Variants in CCDC3 observed in about 807,000 individuals in gnomAD.
CCDC3 encodes the protein coiled-coil domain-containing protein 3.
CCDC3 carries 24 observed loss-of-function variants against 21.4 expected under a neutral mutation model. The observed-to-expected ratio is 1.12, with a 90% CI of 0.81 to 1.58. The LOEUF (loss-of-function observed/expected upper bound fraction) is 1.58. CCDC3 is among the 40% of genes most tolerant of loss of function. CCDC3 has a pLI of 0.00. For synonymous variants in CCDC3, 186 were observed against 166.0 expected (o/e 1.12, Z -0.93); for missense variants, 425 against 360.9 (o/e 1.18, Z -1.44).
chr10:12,958,370 CA>C (rs1163734578), intron 2 of CCDC3, among the ~76,000 whole-genome samples: 12 of 152,158 alleles, frequency 7.9e-5, no homozygotes, highest in Admixed American at 7.9e-4. Flanking sequence ...CTGCAGGTGC[CA>C]AAAACCAGAC....
At chr10:13,051,260 C>T (rs1434271390) in intron 4 of CCDC3, among the ~76,000 whole-genome samples, 1 of 152,150 alleles carries the variant, frequency 6.6e-6, no homozygotes, top group Non-Finnish European at 1.5e-5. Context: ...TTACTTCTCA[C>T]CCAGCAAGGC....
chr10:13,070,571 A>G (rs1338241663), intron 4 of CCDC3, among the ~76,000 whole-genome samples: 1 of 152,162 alleles, frequency 6.6e-6, no homozygotes, highest in Non-Finnish European at 1.5e-5. Flanking sequence ...TCACTTTCCA[A>G]CAGACCCAGG....
At chr10:13,021,693 T>C (rs1252774790) in intron 5 of CCDC3, among the ~76,000 whole-genome samples, 3 of 152,222 alleles carry the variant, frequency 2.0e-5, no homozygotes, top group Non-Finnish European at 2.9e-5. Flanking sequence ...TCCAATAAGA[T>C]GGATATTGTA....
chr10:12,957,646 A>T (rs56381111), intron 2 of CCDC3, among the ~76,000 whole-genome samples: 5 of 151,690 alleles, frequency 3.3e-5, no homozygotes, highest in African/African-American at 4.8e-5. Context: ...AGTTCTCTCG[A>T]GATCTGATTG....
intron 2 of CCDC3, among the ~76,000 whole-genome samples, chr10:12,967,240 T>G (rs922351326): frequency 5.3e-5 from 8 of 152,146 alleles, no homozygotes; most frequent in South Asian, 2.1e-4. Context: ...AGAGGTGACT[T>G]CTCCACCAAA....
rs149795711 is a variant in CCDC3 at position 12,997,182 on chromosome 10, C to T, written c.549+1156G>A. On this transcript the variant is annotated intron_variant, in intron 2 of 2. Transcript: ENST00000378825. ...ACAAGAGAAAGACACTTCCCTCAAACCCTTCTTGATGGGTGGAAAGAAGGG... is the reference window on the plus strand; with the variant it reads ...ACAAGAGAAAGACACTTCCCTCAAATCCTTCTTGATGGGTGGAAAGAAGGG... Among the ~76,000 whole-genome samples, 1,342 of 151,816 alleles carry T rather than the reference C, an allele frequency of 8.8e-3. 13 individuals are homozygous for T. Among genetic ancestry groups the T allele is most frequent in the South Asian group, 0.02 (96 of 4,810 alleles).
intron 2 of CCDC3, among the ~76,000 whole-genome samples, chr10:12,953,871 G>A (rs546876396): frequency 1.8e-4 from 27 of 152,260 alleles, no homozygotes; most frequent in African/African-American, 5.8e-4. Context: ...AGTAAAGGCC[G>A]GATAATAAAT....
chr10:13,071,020 T>C (rs562779998), intron 4 of CCDC3, among the ~76,000 whole-genome samples: 1 of 152,288 alleles, frequency 6.6e-6, no homozygotes, highest in South Asian at 2.1e-4. Flanking sequence ...CGTAAAAATC[T>C]GGATCAGTAT....
intron 2 of CCDC3, among the ~76,000 whole-genome samples, chr10:12,972,992 T>A (rs1306737193): frequency 6.6e-6 from 1 of 152,170 alleles, no homozygotes; most frequent in African/African-American, 2.4e-5. Flanking sequence ...TTTAAGCCTG[T>A]TTCCTCATCT....
At chr10:12,911,864 AT>A (rs975450539) in intron 2 of CCDC3, among the ~76,000 whole-genome samples, 2 of 151,800 alleles carry the variant, frequency 1.3e-5, no homozygotes, top group Non-Finnish European at 2.9e-5. Flanking sequence ...CTTTTAGCTC[AT>A]TTTTTTTAGA....
Position 13,033,116 on chromosome 10 carries a change from T to C in CCDC3, c.-2+16558A>G, listed in dbSNP as rs570294907. On this transcript the variant is annotated intron_variant, in intron 5 of 6. Transcript: ENST00000378839. Reference sequence around the variant, plus strand: ...TACTACAAGGCTACAGTAACCAAAATAGCATGGTACTGGTACCAAAACAGA... The same window carrying C: ...TACTACAAGGCTACAGTAACCAAAACAGCATGGTACTGGTACCAAAACAGA... Among the ~76,000 whole-genome samples the C allele has an allele frequency of 2.2e-3, 333 of 152,052 alleles. 1 individual carries two copies. The highest frequency in any genetic ancestry group is 7.5e-3 in the African/African-American group (310 of 41,462).
At chr10:13,049,289 GA>G (rs1253784518) in intron 5 of CCDC3, among the ~76,000 whole-genome samples, 1 of 152,124 alleles carries the variant, frequency 6.6e-6, no homozygotes, top group Non-Finnish European at 1.5e-5. Flanking sequence ...CTGCTGGGGG[GA>G]AAAAGCCTGT....
chr10:13,079,075 G>A (rs887095889), intron 3 of CCDC3, among the ~76,000 whole-genome samples: 8 of 152,162 alleles, frequency 5.3e-5, no homozygotes, highest in Non-Finnish European at 7.4e-5. Flanking sequence ...TTCCATCTGC[G>A]AGGAGCACCC....
At chr10:13,014,471 G>GAA (rs58040998) in intron 5 of CCDC3, among the ~76,000 whole-genome samples, 9,587 of 137,554 alleles carry the variant, frequency 0.07, 489 homozygotes, top group East Asian at 0.12. Flanking sequence ...AAAAAAAAAA[G>GAA]AAAAAAAAAA....
chr10:13,094,095 T>C (rs1727590777), intron 3 of CCDC3, among the ~76,000 whole-genome samples: 1 of 152,208 alleles, frequency 6.6e-6, no homozygotes, highest in Non-Finnish European at 1.5e-5. Context: ...TTTGATTTGG[T>C]ACAAAAGGCG....
intron 2 of CCDC3, among the ~76,000 whole-genome samples, chr10:12,971,142 G>A (rs1023083217): frequency 1.3e-5 from 2 of 152,288 alleles, no homozygotes; most frequent in African/African-American, 4.8e-5. Flanking sequence ...ACAGAGTGCT[G>A]CCTCCCTCCC....
chr10:12,974,088 A>C (rs1297327617), intron 2 of CCDC3, among the ~76,000 whole-genome samples: 1 of 152,258 alleles, frequency 6.6e-6, no homozygotes, highest in Non-Finnish European at 1.5e-5. Context: ...CAAAGGTCAC[A>C]GTCTATAGCC....
chr10:12,997,869 T>G (rs950515930), intron 2 of CCDC3, among the ~76,000 whole-genome samples: 2 of 152,176 alleles, frequency 1.3e-5, no homozygotes, highest in Non-Finnish European at 2.9e-5. Context: ...GAAGAAGAAT[T>G]GTCTTGGGCC....
chr10:12,941,266 TA>T (rs1393973303), intron 2 of CCDC3, among the ~76,000 whole-genome samples: 1 of 152,184 alleles, frequency 6.6e-6, no homozygotes, highest in Non-Finnish European at 1.5e-5. Flanking sequence ...GTATATTGTC[TA>T]AAAAGGGGAG....
Sources: gnomAD v4.1 joint callset for allele counts (sites outside exome capture counted in the v4.1 genomes callset) on GRCh38, gnomAD v4.1.1 for gene constraint, MANE v1.5 for transcripts, NCBI Gene and HGNC (gene_info 2026-07-23, HGNC 2026-07-21) for gene names.